DNAH11: variants seen among roughly 807,000 people sequenced by gnomAD.
DNAH11 encodes dynein axonemal heavy chain 11.
Under a neutral mutation model 526.0 loss-of-function variants are expected in DNAH11, and 442 were observed. The observed-to-expected ratio is 0.84, with a 90% CI of 0.78 to 0.91. The LOEUF (loss-of-function observed/expected upper bound fraction) is 0.91, where lower values mean the gene tolerates loss of function less well. Among genes scored for constraint, DNAH11 ranks in the 40% least tolerant of loss-of-function variants. DNAH11 has a pLI of 0.00. For synonymous variants in DNAH11, 2,461 were observed against 1,935.9 expected, an observed-to-expected ratio of 1.27 and a Z score of -7.12; for missense variants, 6,989 against 5,448.7, an observed-to-expected ratio of 1.28 and a Z score of -8.90.
intron 12 of DNAH11, 139 bp downstream of exon 12, chr7:21,589,542 AG>A (rs1784600994): frequency 6.2e-6 from 4 of 648,532 alleles, no homozygotes; most frequent in Non-Finnish European, 7.5e-6. Context: ...AATTTCTTAC[AG>A]GTCTTCATTG....
chr7:21,760,735 G>A (rs1231512996), intron 54 of DNAH11, among the ~76,000 whole-genome samples: 1 of 152,166 alleles, frequency 6.6e-6, no homozygotes, highest in African/African-American at 2.4e-5. Context: ...AGTTGGCTAA[G>A]AGCTTCTGGT....
intron 28 of DNAH11, among the ~76,000 whole-genome samples, chr7:21,652,263 A>G (rs1157889376): frequency 6.6e-6 from 1 of 152,224 alleles, no homozygotes; most frequent in Non-Finnish European, 1.5e-5. Flanking sequence ...AGGAAAAACA[A>G]ACATATTAAA....
chr7:21,698,330 C>A, intron 36 of DNAH11, 117 bp downstream of exon 36: 1 of 1,416,554 alleles, frequency 7.1e-7, no homozygotes, highest in Non-Finnish European at 9.5e-7. Context: ...TTTTTTTGTA[C>A]TTAAAAAAAT....
chr7:21,793,199 C>T (rs2127990257), intron 61 of DNAH11, among the ~76,000 whole-genome samples: 1 of 152,234 alleles, frequency 6.6e-6, no homozygotes, highest in African/African-American at 2.4e-5. Flanking sequence ...TTTTTCATTT[C>T]TAGTTTTATT....
chr7:21,866,494 C>T lies in DNAH11; in HGVS notation c.11521C>T (p.Arg3841Ter), dbSNP rs988794959. Residue 3841 changes from arginine to a stop codon, truncating the protein, a stop_gained, in exon 71 of 82, where the codon CGA (arginine) becomes TGA (stop). Transcript: ENST00000409508. LOFTEE classifies it high-confidence loss of function. ...GGCAATTGCCGTCATGGAAGAATTT[C>T]GAGGCATAGACCGAGATGTGGAAGG... is the stretch of plus-strand genomic sequence containing the variant. ...IKAIAVMEEF[R>*]GIDRDVEGSA... 5 of 1,611,298 alleles carry T rather than the reference C, an allele frequency of 3.1e-6. No individual in the cohort carries two copies. Among genetic ancestry groups the T allele is most frequent in the Admixed American group, 3.4e-5 (2 of 59,352 alleles).
At position 21,864,640 on chromosome 7, in the gene DNAH11, T is replaced by G; in HGVS notation, c.11479T>G (p.Ser3827Ala). Reference sequence around the variant, plus strand: ...TCCCGTTGACTTCCTAACTTCTCAGTCATGGAGTGCTATCAAGGTATGTTA... The same window carrying G: ...TCCCGTTGACTTCCTAACTTCTCAGGCATGGAGTGCTATCAAGGTATGTTA... ...LSPVDFLTSQ[S>A]WSAIKAIAVM... The change falls in exon 70 of 82, where the codon TCA (serine) becomes GCA (alanine). Residue 3827 changes from serine (S) to alanine (A), a missense_variant. Coordinates refer to ENST00000409508, the MANE Select transcript of DNAH11 (RefSeq NM_001277115.2). 6 of 1,604,172 alleles carry G rather than the reference T, an allele frequency of 3.7e-6. No homozygotes were observed. Among genetic ancestry groups the G allele is most frequent in the Non-Finnish European group, 4.3e-6 (5 of 1,175,906 alleles).
At chr7:21,730,575 G>A (rs1785334656) in intron 45 of DNAH11, among the ~76,000 whole-genome samples, 1 of 152,140 alleles carries the variant, frequency 6.6e-6, no homozygotes, top group Admixed American at 6.5e-5. Context: ...AGGACATTAA[G>A]TAAAATAAAT....
chr7:21,661,946 G>C (rs1782258616), intron 30 of DNAH11, among the ~76,000 whole-genome samples: 1 of 152,018 alleles, frequency 6.6e-6, no homozygotes, highest in South Asian at 2.1e-4. Context: ...AGCCTCCTGA[G>C]TAGCTGGGAT....
rs750269533 is a variant in DNAH11 at position 21,744,423 on chromosome 7, AT to A, written c.8155-13del. 6.2e-7 allele frequency: 1 copy of A among 1,611,240 alleles called. No homozygotes were observed. Among genetic ancestry groups the A allele is most frequent in the South Asian group, 1.1e-5 (1 of 90,120 alleles). On this transcript the variant is annotated splice_polypyrimidine_tract_variant and intron_variant, in intron 49 of 81. Transcript: ENST00000409508. ...CCTCTGAATTAAAGGTATTTTCCCC[AT>A]TCTTGCCTTGTAGGGGATTTTATTT...
intron 25 of DNAH11, among the ~76,000 whole-genome samples, chr7:21,622,736 A>T (rs931273186): frequency 2.6e-5 from 4 of 152,196 alleles, no homozygotes; most frequent in African/African-American, 4.8e-5. Context: ...CCCATTTAAT[A>T]AATGGTGCTG....
chr7:21,548,405 C>G (rs914508171), intron 2 of DNAH11, among the ~76,000 whole-genome samples: 4 of 152,148 alleles, frequency 2.6e-5, no homozygotes, highest in African/African-American at 9.7e-5. Flanking sequence ...TAATAGTTGA[C>G]CACCAAAAGA....
At position 21,748,717 on chromosome 7, in the gene DNAH11, A is replaced by G; in HGVS notation, c.8648A>G (p.Glu2883Gly). ...GLEVFQITLT[E>G]GYGIQELRVD... is the part of the protein sequence containing the mutation. ...GAGGTCTTTCAGATCACTCTGACCG[A>G]GGGCTATGGAATCCAGGAACTTCGG... Residue 2883 changes from glutamate (E) to glycine (G), a missense_variant, in exon 52 of 82, where the codon GAG becomes GGG. Transcript: ENST00000409508. 6.2e-7 allele frequency: 1 copy of G among 1,613,318 alleles called. No homozygotes were observed. The highest frequency in any genetic ancestry group is 8.5e-7 in the Non-Finnish European group (1 of 1,179,572).
chr7:21,737,709 A>G (rs1460528359), intron 46 of DNAH11, among the ~76,000 whole-genome samples: 1 of 152,194 alleles, frequency 6.6e-6, no homozygotes, highest in African/African-American at 2.4e-5. Context: ...GAGAGAGACT[A>G]CTGGAGGCTT....
intron 41 of DNAH11, 99 bp from the exon 42 acceptor site, chr7:21,711,613 C>T: frequency 6.7e-7 from 1 of 1,487,416 alleles, no homozygotes; most frequent in Non-Finnish European, 9.0e-7. Flanking sequence ...AGAGTGAGCA[C>T]ACAGCCTGTG....
At chr7:21,730,412 G>A (rs145038398) in intron 45 of DNAH11, among the ~76,000 whole-genome samples, 1 of 152,340 alleles carries the variant, frequency 6.6e-6, no homozygotes, top group East Asian at 1.9e-4. Context: ...TGCTCAACCA[G>A]TAAGTATAAT....
intron 61 of DNAH11, among the ~76,000 whole-genome samples, 153 bp from the exon 62 acceptor site, chr7:21,800,984 C>T (rs1370706437): frequency 6.6e-6 from 1 of 152,126 alleles, no homozygotes; most frequent in African/African-American, 2.4e-5. Flanking sequence ...TCCTTCTTTT[C>T]CTTCTTCCCT....
Position 21,613,218 on chromosome 7 carries a change from A to T in DNAH11, c.3853-1896A>T, listed in dbSNP as rs115758129. On this transcript the variant is annotated intron_variant, in intron 20 of 81. Coordinates refer to ENST00000409508, the MANE Select transcript of DNAH11 (RefSeq NM_001277115.2). The stretch of plus-strand genomic sequence containing the variant: ...GGACATAAATATCAATTGAAATGTG[A>T]TATATGTAGTAAACTGCATTTCACA... Among the ~76,000 whole-genome samples the T allele has an allele frequency of 4.6e-3, 698 of 152,326 alleles. 5 individuals carry two copies. The highest frequency in any genetic ancestry group is 0.015 in the African/African-American group (630 of 41,572).
chr7:21,563,850 T>C (rs1054409742), intron 5 of DNAH11, among the ~76,000 whole-genome samples: 2 of 152,168 alleles, frequency 1.3e-5, no homozygotes, highest in African/African-American at 4.8e-5. Flanking sequence ...AGTGACAACA[T>C]TGCAGAGAGG....
intron 40 of DNAH11, 123 bp downstream of exon 40, chr7:21,707,958 A>T (rs986085436): frequency 2.0e-6 from 2 of 993,326 alleles, no homozygotes; most frequent in Admixed American, 3.2e-5. Flanking sequence ...TATTGGAAAT[A>T]TAGCAGATCA....
Sources: allele counts gnomAD v4.1 joint callset (sites outside exome capture counted in the v4.1 genomes callset), GRCh38; gene constraint gnomAD v4.1.1; transcripts MANE v1.5; gene names NCBI Gene and HGNC (gene_info 2026-07-23, HGNC 2026-07-21).